Variants in HLA-G observed in about 807,000 individuals in gnomAD.
The protein encoded by HLA-G is HLA class I histocompatibility antigen, alpha chain G.
HLA-G carries 34 observed loss-of-function variants against 39.3 expected under a neutral mutation model. The ratio of observed to expected loss-of-function variants is 0.86; its 90% CI spans 0.66 to 1.15. HLA-G has a LOEUF of 1.15. Ranked by LOEUF, HLA-G falls within the 50% of genes most tolerant of loss-of-function variation. The probability of loss-of-function intolerance (pLI) is 0.00; values close to 1 mark genes in which losing one functional copy is unlikely to be tolerated. For synonymous variants in HLA-G, 183 were observed against 185.8 expected, an observed-to-expected ratio of 0.99 and a Z score of 0.12; for missense variants, 419 against 456.4, an observed-to-expected ratio of 0.92 and a Z score of 0.75.
chr6:29,829,208 C>T (rs1454361478), intron 3 of HLA-G, among the ~76,000 whole-genome samples: 2 of 152,104 alleles, frequency 1.3e-5, no homozygotes, highest in Non-Finnish European at 2.9e-5. Flanking sequence ...AGGTCAGAAC[C>T]GGAGGTCCCT....
chr6:29,827,814 C>G, upstream of HLA-G: 1 of 1,601,284 alleles, frequency 6.2e-7, no homozygotes, highest in Non-Finnish European at 8.6e-7. Flanking sequence ...CTCGCTCACC[C>G]ACCCGGACTC....
At chr6:29,827,699 T>A, upstream of HLA-G, 1 of 804,146 alleles carries the variant, frequency 1.2e-6, no homozygotes, top group African/African-American at 1.7e-5. Flanking sequence ...CTGTGTCGGG[T>A]CCTTCTTCCT....
chr6:29,828,941 A>G, intron 3 of HLA-G, 123 bp downstream of exon 3: 10 of 1,292,470 alleles, frequency 7.7e-6, no homozygotes, highest in Non-Finnish European at 1.1e-5. Context: ...CCTGAGGGAG[A>G]GGAATCCTCC....
intron 3 of HLA-G, among the ~76,000 whole-genome samples, 169 bp downstream of exon 3, chr6:29,828,987 A>T (rs1047156064): frequency 6.6e-6 from 1 of 152,054 alleles, no homozygotes; most frequent in Non-Finnish European, 1.5e-5. Context: ...AGTGATTCTG[A>T]GGGTCCGTCC....
Position 29,829,390 on chromosome 6 carries a change from G to A in HLA-G, c.620-28G>A, listed in dbSNP as rs765614936. ...GAGTGTCCCATGAGAGATGCAAAGTGCTTGAATTTTCTGACTCTTCCTTTC... is the reference window on the plus strand; with the variant it reads ...GAGTGTCCCATGAGAGATGCAAAGTACTTGAATTTTCTGACTCTTCCTTTC... On this transcript the variant is annotated intron_variant, in intron 3 of 6. Coordinates refer to ENST00000360323, the MANE Select transcript of HLA-G (RefSeq NM_001384290.1). 3.1e-6 allele frequency: 5 copies of A among 1,608,604 alleles called. No homozygotes were observed. The East Asian group carries it at 8.9e-5, about 29-fold the overall frequency.
rs1026642003 is a variant in HLA-G at position 29,829,846 on chromosome 6, T to C, written c.926T>C (p.Met309Thr). ...TCTTCCCTGCCCACCATCCCCATCA[T>C]GGGTATCGTTGCTGGCCTGGTTGTC... ...KQSSLPTIPI[M>T]GIVAGLVVLA... is the part of the protein sequence containing the mutation. The change falls in exon 5 of 7, where the codon ATG (methionine) becomes ACG (threonine). Residue 309 changes from methionine to threonine, a missense_variant. By Grantham distance (81) the Met-to-Thr change is moderately conservative. This residue lies in a region of HLA-G where 328 missense variants were observed against 323.0 expected (regional missense o/e 1.02). Coordinates refer to ENST00000360323, the MANE Select transcript of HLA-G (RefSeq NM_001384290.1). 3.7e-6 allele frequency: 6 copies of C among 1,613,786 alleles called. No individual in the cohort carries two copies. Among genetic ancestry groups the C allele is most frequent in the Non-Finnish European group, 5.1e-6 (6 of 1,179,844 alleles).
At chr6:29,827,962 G>C in intron 1 of HLA-G, 45 bp downstream of exon 1, 2 of 1,590,920 alleles carry the variant, frequency 1.3e-6, no homozygotes, top group Admixed American at 1.7e-5. Flanking sequence ...GCGGAGGAGG[G>C]AGGGGCCGGC....
At chr6:29,828,001 C>T (rs774030766) in intron 1 of HLA-G, 46 bp from the exon 2 acceptor site, 4 of 1,597,732 alleles carry the variant, frequency 2.5e-6, no homozygotes, top group Non-Finnish European at 2.6e-6. Flanking sequence ...TCGGCAGCCG[C>T]GCCGGGAGGA....
At chr6:29,826,999 G>A (rs1760731452), upstream of HLA-G, 1 of 524,144 alleles carries the variant, frequency 1.9e-6, no homozygotes, top group Admixed American at 2.0e-5. Flanking sequence ...TTTGTCTTGA[G>A]GAGATGTCCT....
In HLA-G at chr6:29,828,618, A is replaced by T. The variant is rs1581664187; in HGVS notation, c.419A>T (p.Tyr140Phe). ...DGRLLRGYEQYAYDGKDYLAL... is the reference protein window; with the variant it reads ...DGRLLRGYEQFAYDGKDYLAL... Reference sequence around the variant, plus strand: ...CGCCTCCTCCGCGGGTATGAACAGTATGCCTACGATGGCAAGGATTACCTC... The same window carrying T: ...CGCCTCCTCCGCGGGTATGAACAGTTTGCCTACGATGGCAAGGATTACCTC... The change falls in exon 3 of 7, where the codon TAT becomes TTT. Residue 140 changes from tyrosine (Y) to phenylalanine (F), a missense_variant. Tyr to Phe is a conservative substitution (Grantham distance 22). Transcript: ENST00000360323. 6.2e-7 allele frequency: 1 copy of T among 1,613,020 alleles called. No homozygotes were observed. The highest frequency in any genetic ancestry group is 1.1e-5 in the South Asian group (1 of 91,082).
At position 29,830,819 on chromosome 6, in the gene HLA-G, C is replaced by T; in HGVS notation, c.*80C>T. 2.5e-6 allele frequency: 1 copy of T among 399,780 alleles called. No individual in the cohort carries two copies. Among genetic ancestry groups the T allele is most frequent in the Non-Finnish European group, 5.0e-6 (1 of 202,018 alleles). The allele number at this position is 399,780 out of a possible 1,614,324, so 24.8% of individuals were successfully genotyped here. A position where few individuals can be genotyped will look rare whatever the true frequency, so the allele number is the denominator to read the frequency against. ...TGAGTGGCAAGTCCCTTTGTGACTT[C>T]AAGAACCCTGACTCCTCTTTGTGCA... On this transcript the variant is annotated 3_prime_UTR_variant, in exon 7 of 7. Transcript: ENST00000360323.
chr6:29,829,641 C>G lies in HLA-G; in HGVS notation c.843C>G (p.Tyr281Ter). 1 of 1,614,086 alleles carries G rather than the reference C, an allele frequency of 6.2e-7. No individual in the cohort carries two copies. The highest frequency in any genetic ancestry group is 8.5e-7 in the Non-Finnish European group (1 of 1,180,010). The change falls in exon 4 of 7, where the codon TAC (tyrosine) becomes TAG (stop). Residue 281 changes from tyrosine (Y) to a stop codon, truncating the protein, a stop_gained. Transcript: ENST00000360323. LOFTEE classifies it high-confidence loss of function. Reference sequence around the variant, plus strand: ...TGCCTTCTGGAGAGGAGCAGAGATACACGTGCCATGTGCAGCATGAGGGGC... The same window carrying G: ...TGCCTTCTGGAGAGGAGCAGAGATAGACGTGCCATGTGCAGCATGAGGGGC... ...VVVPSGEEQR[Y>*]TCHVQHEGLP...
chr6:29,827,520 C>T (rs1760768618), upstream of HLA-G: 1 of 391,026 alleles, frequency 2.6e-6, no homozygotes, highest in Non-Finnish European at 4.9e-6. Context: ...TCAGACAGCT[C>T]CTGGGCCAAG....
chr6:29,829,718 T>G (rs1339167948), intron 4 of HLA-G, 25 bp downstream of exon 4: 2 of 1,610,368 alleles, frequency 1.2e-6, no homozygotes, highest in South Asian at 1.1e-5. Flanking sequence ...GGAGGCATCA[T>G]GTCTGTTAGG....
chr6:29,830,565 C>T (rs1016188934), intron 6 of HLA-G, 155 bp downstream of exon 6: 10 of 794,632 alleles, frequency 1.3e-5, no homozygotes, highest in Non-Finnish European at 2.3e-5. Context: ...AGTGACAGTG[C>T]CCAGGGCTCT....
chr6:29,829,670 C>T lies in HLA-G; in HGVS notation c.872C>T (p.Pro291Leu), dbSNP rs1043833437. 6.8e-6 allele frequency: 11 copies of T among 1,613,012 alleles called. No individual in the cohort carries two copies. The highest frequency in any genetic ancestry group is 5.0e-5 in the Admixed American group (3 of 59,788). Reference protein sequence around the residue: ...YTCHVQHEGLPEPLMLRWKQS... With the variant: ...YTCHVQHEGLLEPLMLRWKQS... ...TGCCATGTGCAGCATGAGGGGCTGC[C>T]GGAGCCCCTCATGCTGAGATGGAGT... The change falls in exon 4 of 7, where the codon CCG becomes CTG. Residue 291 changes from proline (P) to leucine (L), a missense_variant. Coordinates refer to ENST00000360323, the MANE Select transcript of HLA-G (RefSeq NM_001384290.1).
At chr6:29,829,723 G>GCTTTCCC (rs1247633183) in intron 4 of HLA-G, 30 bp downstream of exon 4, 1 of 1,609,500 alleles carries the variant, frequency 6.2e-7, no homozygotes, top group Admixed American at 1.7e-5. Context: ...CATCATGTCT[G>GCTTTCCC]TTAGGGAAAG....
At position 29,828,653 on chromosome 6, in the gene HLA-G, G is replaced by C. The variant is rs767147746; in HGVS notation, c.454G>C (p.Glu152Gln). ...TGGCAAGGATTACCTCGCCCTGAAC[G>C]AGGACCTGCGCTCCTGGACCGCAGC... ...YDGKDYLALNEDLRSWTAADT... is the reference protein window; with the variant it reads ...YDGKDYLALNQDLRSWTAADT... The change falls in exon 3 of 7, where the codon GAG becomes CAG. Residue 152 changes from glutamate to glutamine, a missense_variant. Around this residue, in one of 2 missense-constraint regions of HLA-G, gnomAD observed 328 missense variants for 323.0 expected, o/e 1.02. Transcript: ENST00000360323. 86 of 1,613,020 alleles carry C rather than the reference G, an allele frequency of 5.3e-5. No homozygotes were observed. The highest frequency in any genetic ancestry group is 7.0e-5 in the Non-Finnish European group (83 of 1,180,032).
chr6:29,827,661 T>C (rs556503999), upstream of HLA-G: 4 of 686,200 alleles, frequency 5.8e-6, no homozygotes, highest in South Asian at 3.1e-5. Flanking sequence ...AGGCCCCGCG[T>C]TGGGGATTCT....
Sources: gnomAD v4.1 joint callset for allele counts (sites outside exome capture counted in the v4.1 genomes callset) on GRCh38, gnomAD v4.1.1 for gene constraint, gnomAD v4.1.1 regional missense constraint, MANE v1.5 for transcripts, NCBI Gene and HGNC (gene_info 2026-07-23, HGNC 2026-07-21) for gene names.